Variants in MAST2 observed in about 807,000 individuals in gnomAD.
MAST2 encodes microtubule associated serine/threonine kinase 2.
In MAST2, 70 loss-of-function variants were observed where a neutral mutation model predicts 147.4. The ratio of observed to expected loss-of-function variants is 0.47; its 90% confidence interval spans 0.39 to 0.58. The LOEUF (loss-of-function observed/expected upper bound fraction) is 0.58. MAST2 is among the 20% of genes least tolerant of loss of function. The pLI is 0.00. For synonymous variants in MAST2, 869 were observed against 896.8 expected (o/e 0.97, Z 0.55); for missense variants, 2,080 against 2,302.3 (o/e 0.90, Z 1.98).
chr1:46,009,106 G>A (rs998492151), intron 9 of MAST2, among the ~76,000 whole-genome samples: 1 of 152,160 alleles, frequency 6.6e-6, no homozygotes, highest in Admixed American at 6.5e-5. Context: ...CCAGGCTGGA[G>A]TGCAATGGCA....
At position 46,029,920 on chromosome 1, in the gene MAST2, T is replaced by G. The variant is rs1272117582; in HGVS notation, c.2410T>G (p.Leu804Val). ...LRQKAEFIPQ[L>V]ESEDDTSYFD... ...CCAGAAGGCTGAATTTATTCCTCAG[T>G]TGGAGTCAGAGGATGATACTAGCTA... Residue 804 changes from leucine to valine, a missense_variant, in exon 20 of 29, where the codon TTG becomes GTG. Transcript: ENST00000361297. 6.2e-7 allele frequency: 1 copy of G among 1,614,062 alleles called. No individual in the cohort carries two copies. Among genetic ancestry groups the G allele is most frequent in the Non-Finnish European group, 8.5e-7 (1 of 1,179,958 alleles).
chr1:45,809,346 A>G (rs1245397520), intron 1 of MAST2, among the ~76,000 whole-genome samples: 1 of 152,206 alleles, frequency 6.6e-6, no homozygotes, highest in African/African-American at 2.4e-5. Flanking sequence ...CTCAAATGCC[A>G]CAGAAACTTC....
At chr1:46,026,380 G>C (rs1646411115) in intron 16 of MAST2, among the ~76,000 whole-genome samples, 3 of 152,202 alleles carry the variant, frequency 2.0e-5, no homozygotes, top group Admixed American at 1.3e-4. Context: ...CTTAGATGGT[G>C]AGAGAGTAGT....
At position 45,994,357 on chromosome 1, in the gene MAST2, C is replaced by G. The variant is rs374288208; in HGVS notation, c.593-3367C>G. On this transcript the variant is annotated intron_variant, in intron 5 of 28. Coordinates refer to ENST00000361297, the MANE Select transcript of MAST2 (RefSeq NM_015112.3). ...CTGGAGTGCAGTGGCATGATCTCGG[C>G]TCACTGCAACCTCCGCCTCCTAGGT... is the stretch of plus-strand genomic sequence containing the variant. Among the ~76,000 whole-genome samples the G allele has an allele frequency of 8.0e-5, 11 of 137,334 alleles. No individual in the cohort carries two copies. In the East Asian group the frequency reaches 1.4e-3, roughly 18 times the overall value. 90.1% of individuals were successfully genotyped at this position (137,334 alleles called of 152,430 possible). A position where few individuals can be genotyped will look rare whatever the true frequency, so the allele number is the denominator to read the frequency against.
chr1:46,002,334 A>G (rs1645307586), intron 6 of MAST2, among the ~76,000 whole-genome samples: 1 of 152,194 alleles, frequency 6.6e-6, no homozygotes, highest in Non-Finnish European at 1.5e-5. Flanking sequence ...TGATTAGCTC[A>G]GTTCAGACCC....
At chr1:46,028,601 C>G (rs1173636049) in intron 17 of MAST2, among the ~76,000 whole-genome samples, 167 bp from the exon 18 acceptor site, 2 of 152,178 alleles carry the variant, frequency 1.3e-5, no homozygotes, top group African/African-American at 4.8e-5. Context: ...ACTGACAGTT[C>G]CGACTCTTGT....
intron 1 of MAST2, 42 bp downstream of exon 1, chr1:45,804,114 G>A: frequency 7.9e-7 from 1 of 1,267,344 alleles, no homozygotes; most frequent in Non-Finnish European, 1.0e-6. Flanking sequence ...CTGAATGGAA[G>A]CCGTGGGGGA....
At chr1:45,975,156 A>C (rs77213763) in intron 5 of MAST2, among the ~76,000 whole-genome samples, 1,558 of 152,244 alleles carry the variant, frequency 0.01, 10 homozygotes, top group Non-Finnish European at 0.018. Flanking sequence ...TCCACAGGGG[A>C]CAGTCAAGTT....
Position 46,023,721 on chromosome 1 carries a change from C to T in MAST2, c.1572-51C>T, listed in dbSNP as rs1646285797. 13 of 1,560,470 alleles carry T rather than the reference C, an allele frequency of 8.3e-6. No individual in the cohort carries two copies. Among genetic ancestry groups the T allele is most frequent in the Non-Finnish European group, 1.1e-5 (12 of 1,140,012 alleles). On this transcript the variant is annotated intron_variant, in intron 14 of 28. Coordinates refer to ENST00000361297, the MANE Select transcript of MAST2 (RefSeq NM_015112.3). The surrounding 1 kb of genome is among the most constrained non-coding windows in gnomAD (Gnocchi z 4.9). Reference sequence around the variant, plus strand: ...AAGGCAGTTTGGGTGGCAGAGAGCACAGCTCAGGTGCTGAGGGTCCATGGG... The same window carrying T: ...AAGGCAGTTTGGGTGGCAGAGAGCATAGCTCAGGTGCTGAGGGTCCATGGG...
At chr1:45,819,107 G>A (rs1293259921) in intron 1 of MAST2, among the ~76,000 whole-genome samples, 1 of 151,906 alleles carries the variant, frequency 6.6e-6, no homozygotes, top group Non-Finnish European at 1.5e-5. Context: ...TACAAACTTA[G>A]CCAGGCATGG....
chr1:45,897,937 T>C (rs1196489784), intron 4 of MAST2, among the ~76,000 whole-genome samples: 2 of 151,562 alleles, frequency 1.3e-5, no homozygotes, highest in Non-Finnish European at 2.9e-5. Flanking sequence ...TGAAACTCCG[T>C]CTCTACTAAA....
At chr1:45,968,171 G>T (rs543009625) in intron 5 of MAST2, among the ~76,000 whole-genome samples, 20 of 152,246 alleles carry the variant, frequency 1.3e-4, no homozygotes, top group African/African-American at 4.6e-4. Context: ...AACACTTCTG[G>T]TCTGATAAGG....
chr1:45,997,674 C>T (rs1269506650), intron 5 of MAST2, 50 bp from the exon 6 acceptor site: 2 of 1,420,242 alleles, frequency 1.4e-6, no homozygotes, highest in South Asian at 2.3e-5. Flanking sequence ...TCATGTCCAC[C>T]CTCCTCACAA....
intron 5 of MAST2, among the ~76,000 whole-genome samples, chr1:45,970,804 T>G (rs1011181872): frequency 2.6e-5 from 4 of 151,290 alleles, no homozygotes; most frequent in Admixed American, 6.6e-5. Context: ...AAGTGTTTTT[T>G]TTTTTTTTTT....
At chr1:45,943,300 T>G (rs934962977) in intron 4 of MAST2, among the ~76,000 whole-genome samples, 2 of 152,172 alleles carry the variant, frequency 1.3e-5, no homozygotes, top group Non-Finnish European at 2.9e-5. Context: ...ATTTATTTAT[T>G]TGGCCATAGC....
At position 45,829,729 on chromosome 1, in the gene MAST2, T is replaced by G. The variant is rs989930942; in HGVS notation, c.468+148T>G. 3.7e-5 allele frequency: 33 copies of G among 902,212 alleles called. 1 individual carries two copies. Among genetic ancestry groups the G allele is most frequent in the Non-Finnish European group, 5.2e-5 (32 of 617,190 alleles). The allele number at this position is 902,212 out of a possible 1,614,324, so 55.9% of individuals were successfully genotyped here. On this transcript the variant is annotated intron_variant, in intron 3 of 28. Transcript: ENST00000361297. ...GGAAGAGAATGAATTTATTATTATT[T>G]TTTTTAGAGATAGGGTCTTGCTTTG...
At chr1:45,932,582 A>C (rs1655483113) in intron 4 of MAST2, among the ~76,000 whole-genome samples, 1 of 152,106 alleles carries the variant, frequency 6.6e-6, no homozygotes, top group South Asian at 2.1e-4. Context: ...CTGAGGCACG[A>C]GAATCGCTTG....
In MAST2 at chr1:45,901,383, A is replaced by G. The variant is rs947556508; in HGVS notation, c.500+18988A>G. Among the ~76,000 whole-genome samples the G allele has an allele frequency of 2.0e-5, 3 of 152,268 alleles. No homozygotes were observed. In the East Asian group the frequency reaches 5.8e-4, roughly 29 times the overall value. On this transcript the variant is annotated intron_variant, in intron 4 of 28. Coordinates refer to ENST00000361297, the MANE Select transcript of MAST2 (RefSeq NM_015112.3). ...GTGTGTCTGTTTTTGTACCAGTACC[A>G]TGATGTTTTGGTGACTATAGCCTTG...
At chr1:45,952,573 A>G (rs1659082154) in intron 4 of MAST2, among the ~76,000 whole-genome samples, 1 of 152,246 alleles carries the variant, frequency 6.6e-6, no homozygotes, top group Non-Finnish European at 1.5e-5. Flanking sequence ...AAATAAAGCA[A>G]CCAGACAGAA....
Sources: gnomAD v4.1 joint callset for allele counts (sites outside exome capture counted in the v4.1 genomes callset) on GRCh38, gnomAD v4.1.1 for gene constraint, Gnocchi (gnomAD v3.1) non-coding constraint, MANE v1.5 for transcripts, NCBI Gene and HGNC (gene_info 2026-07-23, HGNC 2026-07-21) for gene names.